Variants in BMP8A observed in about 807,000 individuals in gnomAD.
The protein encoded by BMP8A is bone morphogenetic protein 8a.
Under a neutral mutation model 36.8 loss-of-function variants are expected in BMP8A, and 14 were observed. The observed-to-expected ratio is 0.38, with a 90% CI of 0.25 to 0.60. The LOEUF is 0.60. BMP8A is among the 20% of genes least tolerant of loss of function. The pLI is 0.63. For synonymous variants in BMP8A, 120 were observed against 237.7 expected (o/e 0.50, Z 4.55); for missense variants, 267 against 551.1 (o/e 0.48, Z 5.16).
In BMP8A at chr1:39,504,050, G is replaced by A. The variant is rs542605631; in HGVS notation, c.335-7124G>A. 2.0e-5 allele frequency among the ~76,000 whole-genome samples: 3 copies of A among 152,324 alleles called. No individual in the cohort carries two copies. In the South Asian group the frequency reaches 6.2e-4, roughly 32 times the overall value. On this transcript the variant is annotated intron_variant, in intron 1 of 6. Transcript: ENST00000331593. ...AACCTGGCAGACACCACCGTAACCA[G>A]GGAATCAAATTTCACGCCACTAGTA...
intron 1 of BMP8A, among the ~76,000 whole-genome samples, chr1:39,503,212 G>C (rs1010126805): frequency 2.0e-5 from 3 of 152,064 alleles, no homozygotes; most frequent in African/African-American, 7.2e-5. Context: ...AAAAAAAATA[G>C]CCAGGTGTGG....
intron 3 of BMP8A, among the ~76,000 whole-genome samples, chr1:39,517,151 A>AT (rs199693362): frequency 0.061 from 9,145 of 150,374 alleles, 347 homozygotes; most frequent in East Asian, 0.31. Flanking sequence ...ATGCCTGCTT[A>AT]TTTTTTTTTA....
rs1396152286 is a variant in BMP8A, at chr1:39,524,466, CAAG to C, written c.1060-1182_1060-1180del. Among the ~76,000 whole-genome samples, 1 of 152,144 alleles carries C rather than the reference CAAG, an allele frequency of 6.6e-6. No homozygotes were observed. The highest frequency in any genetic ancestry group is 1.5e-5 in the Non-Finnish European group (1 of 68,018). On this transcript the variant is annotated intron_variant, in intron 6 of 6. Coordinates refer to ENST00000331593, the MANE Select transcript of BMP8A (RefSeq NM_181809.4). The surrounding 1 kb of genome is among the most constrained non-coding windows in gnomAD (Gnocchi z 4.0). ...TGAGACTGGGCCCAGCCTCTCCACACAAGGAGGGGCACGTCAGCAGCTGGAGGA... is the reference window on the plus strand; with the variant it reads ...TGAGACTGGGCCCAGCCTCTCCACACGAGGGGCACGTCAGCAGCTGGAGGA...
In BMP8A at chr1:39,527,031, T is replaced by C. The variant is rs1357019993; in HGVS notation, c.*1233T>C. Among the ~76,000 whole-genome samples the C allele has an allele frequency of 6.6e-6, 1 of 152,066 alleles. No homozygotes were observed. Among genetic ancestry groups the C allele is most frequent in the Non-Finnish European group, 1.5e-5 (1 of 68,020 alleles). On this transcript the variant is annotated 3_prime_UTR_variant, in exon 7 of 7. Coordinates refer to ENST00000331593, the MANE Select transcript of BMP8A (RefSeq NM_181809.4). ...CCCCACTGCAGAGCAATCCATTCCA[T>C]CCAAAGCAGGGTGACTGGCAGTCTC... is the stretch of plus-strand genomic sequence containing the variant.
chr1:39,493,383 G>A (rs547898020), intron 1 of BMP8A, among the ~76,000 whole-genome samples: 14 of 152,350 alleles, frequency 9.2e-5, no homozygotes, highest in East Asian at 1.9e-4. Flanking sequence ...CTAGGACAGC[G>A]CAGCCTCTAT....
intron 1 of BMP8A, among the ~76,000 whole-genome samples, chr1:39,497,768 G>T (rs2124314749): frequency 6.6e-6 from 1 of 152,302 alleles, no homozygotes; most frequent in South Asian, 2.1e-4. Flanking sequence ...CCCGTGGCAG[G>T]AAGTTGAGGG....
intron 6 of BMP8A, chr1:39,523,415 C>T (rs1373859660): frequency 1.6e-5 from 17 of 1,049,788 alleles, no homozygotes; most frequent in African/African-American, 3.3e-5. Flanking sequence ...CTGCGTGCGG[C>T]GCTCAGAGGC....
At chr1:39,499,156 C>T (rs1000240726) in intron 1 of BMP8A, among the ~76,000 whole-genome samples, 1 of 152,210 alleles carries the variant, frequency 6.6e-6, no homozygotes, top group Non-Finnish European at 1.5e-5. Flanking sequence ...GCATGGGGGC[C>T]GGGAGAGGCT....
rs2124392406 is a variant in BMP8A, at chr1:39,528,915, GGTCTTAAACTTTGCCCAGGCCA to G, written c.*3123_*3144del. ...CAGGTCTCACTATGTTGCCCAGGCC[GGTCTTAAACTTTGCCCAGGCCA>G]GTCTTGAACTCCTGAGCTCAAGCAA... On this transcript the variant is annotated 3_prime_UTR_variant, in exon 7 of 7. Coordinates refer to ENST00000331593, the MANE Select transcript of BMP8A (RefSeq NM_181809.4). The G allele has an allele frequency of 6.6e-6, 1 of 152,186 alleles. No individual in the cohort carries two copies. The highest frequency in any genetic ancestry group is 2.4e-5 in the African/African-American group (1 of 41,506). The allele number at this position is 152,186 out of a possible 1,614,324, so 9.4% of individuals were successfully genotyped here. A position where few individuals can be genotyped will look rare whatever the true frequency, so the allele number is the denominator to read the frequency against.
In BMP8A at chr1:39,525,653, A is replaced by T; in HGVS notation, c.1064A>T (p.His355Leu). The T allele has an allele frequency of 6.2e-7, 1 of 1,613,870 alleles. No individual in the cohort carries two copies. The change falls in exon 7 of 7, where the codon CAC (histidine) becomes CTC (leucine). Residue 355 changes from histidine (H) to leucine (L), a missense_variant. By Grantham distance (99) the His-to-Leu change is moderately conservative. Coordinates refer to ENST00000331593, the MANE Select transcript of BMP8A (RefSeq NM_181809.4). ...CTGTGCTCCCTTCCTGGCCAGGTGC[A>T]CCTGATGAAGCCAAACGCAGTCCCC... is the stretch of plus-strand genomic sequence containing the variant. The part of the protein sequence containing the change: ...TNHAILQSLV[H>L]LMKPNAVPKA...
At chr1:39,523,526 G>T in intron 6 of BMP8A, 2 of 1,371,046 alleles carry the variant, frequency 1.5e-6, no homozygotes, top group Non-Finnish European at 1.9e-6. Context: ...TGATATGTGC[G>T]CACAGTGTGT....
rs917965701 is a variant in BMP8A, at chr1:39,527,086, G to A, written c.*1288G>A. ...CAGGCATGGGGCAAGGGTGGGGACT[G>A]CCAGTGTTTGCTTGTGTCTAGGAGT... is the stretch of plus-strand genomic sequence containing the variant. On this transcript the variant is annotated 3_prime_UTR_variant, in exon 7 of 7. Coordinates refer to ENST00000331593, the MANE Select transcript of BMP8A (RefSeq NM_181809.4). Among the ~76,000 whole-genome samples, 2 of 152,196 alleles carry A rather than the reference G, an allele frequency of 1.3e-5. No homozygotes were observed. The highest frequency in any genetic ancestry group is 2.9e-5 in the Non-Finnish European group (2 of 68,030).
At chr1:39,503,305 GTTGCGTCACTGCACTGCAGC>G (rs1645268219) in intron 1 of BMP8A, among the ~76,000 whole-genome samples, 1 of 151,534 alleles carries the variant, frequency 6.6e-6, no homozygotes, top group African/African-American at 2.4e-5. Flanking sequence ...GGAGGTTGAA[GTTGCGTCACTGCACTGCAGC>G]CTAGGTGACC....
At chr1:39,499,364 C>T (rs1042247617) in intron 1 of BMP8A, among the ~76,000 whole-genome samples, 36 of 151,800 alleles carry the variant, frequency 2.4e-4, no homozygotes, top group African/African-American at 7.7e-4. Context: ...GTGGGCCCTT[C>T]GGGGCCGGGG....
In BMP8A at chr1:39,515,596, A is replaced by G; in HGVS notation, c.673+3692A>G. On this transcript the variant is annotated intron_variant, in intron 3 of 6. Coordinates refer to ENST00000331593, the MANE Select transcript of BMP8A (RefSeq NM_181809.4). ...GACTTCGCCCTGGTGAAAGGGTGGAAGGCCGACCGGGCAGGAAACGTGGTC... is the reference window on the plus strand; with the variant it reads ...GACTTCGCCCTGGTGAAAGGGTGGAGGGCCGACCGGGCAGGAAACGTGGTC... 4 of 1,519,818 alleles carry G rather than the reference A, an allele frequency of 2.6e-6. No homozygotes were observed. The East Asian group carries it at 9.0e-5, about 34-fold the overall frequency. 94.1% of individuals were successfully genotyped at this position (1,519,818 alleles called of 1,614,324 possible). A position where few individuals can be genotyped will look rare whatever the true frequency, so the allele number is the denominator to read the frequency against.
At chr1:39,492,351 C>CTT (rs1262629999) in intron 1 of BMP8A, 26 bp downstream of exon 1, 1 of 1,524,638 alleles carries the variant, frequency 6.6e-7, no homozygotes, top group Non-Finnish European at 8.7e-7. Flanking sequence ...CGCGCGGGGA[C>CTT]CCTCGGAGTA....
intron 1 of BMP8A, among the ~76,000 whole-genome samples, chr1:39,497,812 G>A (rs149827887): frequency 3.3e-5 from 5 of 152,316 alleles, no homozygotes; most frequent in Admixed American, 1.3e-4. Flanking sequence ...GGGAGAGCCA[G>A]GAGGAACCTG....
At chr1:39,500,466 G>A (rs1004403114) in intron 1 of BMP8A, among the ~76,000 whole-genome samples, 1 of 152,120 alleles carries the variant, frequency 6.6e-6, no homozygotes, top group Non-Finnish European at 1.5e-5. Flanking sequence ...CCCTGCAACC[G>A]AGAGTTATCT....
chr1:39,492,706 G>A (rs1645171904), intron 1 of BMP8A, among the ~76,000 whole-genome samples: 1 of 152,234 alleles, frequency 6.6e-6, no homozygotes, highest in Non-Finnish European at 1.5e-5. Flanking sequence ...CAGTACTGAG[G>A]AGAGGGACAA....
Sources: allele counts gnomAD v4.1 joint callset (sites outside exome capture counted in the v4.1 genomes callset), GRCh38; gene constraint gnomAD v4.1.1; non-coding constraint Gnocchi (gnomAD v3.1); transcripts MANE v1.5; gene names NCBI Gene and HGNC (gene_info 2026-07-23, HGNC 2026-07-21).